Variants in MICU1 observed in about 807,000 individuals in gnomAD.
MICU1 encodes the protein calcium uptake protein 1, mitochondrial.
In MICU1, 45 loss-of-function variants were observed where a neutral mutation model predicts 56.8. That is an observed-to-expected ratio of 0.79 (90% CI 0.62 to 1.02). The LOEUF (loss-of-function observed/expected upper bound fraction) is 1.02. Among genes scored for constraint, MICU1 ranks in the 50% least tolerant of loss-of-function variants. MICU1 has a pLI of 0.00. For synonymous variants in MICU1, 186 were observed against 195.1 expected (o/e 0.95, Z 0.39); for missense variants, 504 against 587.1 (o/e 0.86, Z 1.46).
At chr10:72,517,298 T>C (rs1326227046) in intron 5 of MICU1, among the ~76,000 whole-genome samples, 4 of 152,124 alleles carry the variant, frequency 2.6e-5, no homozygotes, top group Non-Finnish European at 5.9e-5. Flanking sequence ...AAAGGAGTCA[T>C]TATACAAAAA....
rs1457938456 is a variant in MICU1 at position 72,599,744 on chromosome 10, T to C, written c.-2+26266A>G. On this transcript the variant is annotated intron_variant, in intron 1 of 11. Transcript: ENST00000361114. ...CCTTCCTTCCTCTTTCTTACTTACA[T>C]TGGCAACTTCTATTATGTACCACAA... Among the ~76,000 whole-genome samples, 5 of 152,160 alleles carry C rather than the reference T, an allele frequency of 3.3e-5. No individual in the cohort carries two copies. The South Asian group carries it at 1.0e-3, about 32-fold the overall frequency.
Position 72,569,231 on chromosome 10 carries a change from A to ATTTTTTTTTT in MICU1, c.-1-2438_-1-2437insAAAAAAAAAA, listed in dbSNP as rs1156509426. Among the ~76,000 whole-genome samples the ATTTTTTTTTT allele has an allele frequency of 1.3e-3, 53 of 39,520 alleles. 1 individual carries two copies. Among genetic ancestry groups the ATTTTTTTTTT allele is most frequent in the Non-Finnish European group, 2.4e-3 (44 of 17,964 alleles). 25.9% of individuals were successfully genotyped at this position (39,520 alleles called of 152,430 possible). ...CATATATATATATATATATATATAT[A>ATTTTTTTTTT]TATATATTTTTTTTTTTTTTTGAGA... On this transcript the variant is annotated intron_variant, in intron 1 of 11. Coordinates refer to ENST00000361114, the MANE Select transcript of MICU1 (RefSeq NM_001195518.2).
chr10:72,453,476 T>C (rs188536497), intron 8 of MICU1, among the ~76,000 whole-genome samples: 1 of 128,928 alleles, frequency 7.8e-6, no homozygotes, highest in Admixed American at 7.8e-5. Flanking sequence ...AGCAGTACAA[T>C]TTCCACAGCA....
rs552327043 is a variant in MICU1, at chr10:72,458,510, G to T, written c.933+16590C>A. On this transcript the variant is annotated intron_variant, in intron 8 of 11. Transcript: ENST00000361114. ...CGTATACTGGAAATCACTGCTTTGG[G>T]ATTAAAACTCTGATCAACATGATGA... is the stretch of plus-strand genomic sequence containing the variant. Among the ~76,000 whole-genome samples the T allele has an allele frequency of 3.3e-5, 5 of 152,200 alleles. No individual in the cohort carries two copies. In the East Asian group the frequency reaches 7.7e-4, roughly 23 times the overall value.
intron 8 of MICU1, among the ~76,000 whole-genome samples, chr10:72,444,462 T>TG (rs1379977942): frequency 1.8e-4 from 27 of 148,268 alleles, no homozygotes; most frequent in Non-Finnish European, 3.3e-4. Flanking sequence ...TTTTTTTTTT[T>TG]TTTTTGAGAC....
At chr10:72,478,368 G>T (rs184511204) in intron 6 of MICU1, among the ~76,000 whole-genome samples, 3 of 152,122 alleles carry the variant, frequency 2.0e-5, no homozygotes, top group African/African-American at 7.2e-5. Flanking sequence ...CTGTGCATTG[G>T]AATAAAATAT....
intron 11 of MICU1, among the ~76,000 whole-genome samples, chr10:72,370,419 C>T (rs1862295445): frequency 6.6e-6 from 1 of 152,148 alleles, no homozygotes; most frequent in African/African-American, 2.4e-5. Context: ...AAAACCTAAA[C>T]TGGCTCATGT....
chr10:72,448,193 ATT>A (rs71018289), intron 8 of MICU1, among the ~76,000 whole-genome samples: 1,093 of 36,558 alleles, frequency 0.03, 18 homozygotes, highest in African/African-American at 0.11. Context: ...ATATATATAT[ATT>A]TTTTTTTTTT....
intron 9 of MICU1, among the ~76,000 whole-genome samples, chr10:72,421,606 C>T (rs998170444): frequency 5.3e-5 from 8 of 152,238 alleles, no homozygotes; most frequent in African/African-American, 1.4e-4. Flanking sequence ...CCAGGGGCAG[C>T]TGGCGTTGAA....
At chr10:72,432,627 G>C (rs1037522052) in intron 8 of MICU1, among the ~76,000 whole-genome samples, 1 of 152,156 alleles carries the variant, frequency 6.6e-6, no homozygotes, top group Non-Finnish European at 1.5e-5. Flanking sequence ...ATATTACATG[G>C]CAAGAGTAAA....
intron 11 of MICU1, among the ~76,000 whole-genome samples, chr10:72,374,938 G>A (rs1862469187): frequency 6.7e-6 from 1 of 149,112 alleles, no homozygotes; most frequent in Non-Finnish European, 1.5e-5. Context: ...AGCCTCTCGA[G>A]TAGCTGGGAT....
At chr10:72,420,359 C>T (rs1490263510) in intron 9 of MICU1, among the ~76,000 whole-genome samples, 1 of 152,162 alleles carries the variant, frequency 6.6e-6, no homozygotes, top group Non-Finnish European at 1.5e-5. Flanking sequence ...CTGCGCCCAG[C>T]CATAAGACAT....
intron 1 of MICU1, among the ~76,000 whole-genome samples, chr10:72,597,345 A>G (rs1397431623): frequency 1.3e-5 from 2 of 152,132 alleles, no homozygotes; most frequent in East Asian, 1.9e-4. Flanking sequence ...CTACGTAGCT[A>G]TGGTGGAGAG....
At chr10:72,374,523 T>TG (rs1286284997) in intron 11 of MICU1, among the ~76,000 whole-genome samples, 1 of 152,124 alleles carries the variant, frequency 6.6e-6, no homozygotes, top group African/African-American at 2.4e-5. Flanking sequence ...CAAGGTCCTA[T>TG]GGGGGGTAGG....
rs533181597 is a variant in MICU1, at chr10:72,441,619, T to TC, written c.934-18249_934-18248insG. On this transcript the variant is annotated intron_variant, in intron 8 of 11. Transcript: ENST00000361114. ...ATTCACTTATTTTTAATTTTTCTTT[T>TC]TTTTTTTTTTTTTTTGAGGCAGAAC... 3.2e-3 allele frequency among the ~76,000 whole-genome samples: 437 copies of TC among 137,308 alleles called. 1 individual carries two copies. Among genetic ancestry groups the TC allele is most frequent in the African/African-American group, 0.011 (412 of 38,422 alleles). The allele number at this position is 137,308 out of a possible 152,430, so 90.1% of individuals were successfully genotyped here. A position where few individuals can be genotyped will look rare whatever the true frequency, so the allele number is the denominator to read the frequency against.
chr10:72,436,784 G>A (rs1169888766), intron 8 of MICU1, among the ~76,000 whole-genome samples: 1 of 152,082 alleles, frequency 6.6e-6, no homozygotes, highest in Non-Finnish European at 1.5e-5. Flanking sequence ...TTCAGCAGCC[G>A]ATTCGATCAA....
intron 4 of MICU1, among the ~76,000 whole-genome samples, chr10:72,536,684 G>T (rs146767435): frequency 6.6e-6 from 1 of 152,102 alleles, no homozygotes; most frequent in Non-Finnish European, 1.5e-5. Context: ...AGGGCAAAAA[G>T]AAACAAGTGA....
intron 5 of MICU1, among the ~76,000 whole-genome samples, chr10:72,521,534 A>C (rs1364001584): frequency 4.6e-5 from 7 of 152,046 alleles, no homozygotes; most frequent in Admixed American, 3.9e-4. Context: ...TTATATTTGC[A>C]TTATCTCTTT....
At chr10:72,425,536 C>T (rs1209646590) in intron 8 of MICU1, among the ~76,000 whole-genome samples, 3 of 152,130 alleles carry the variant, frequency 2.0e-5, no homozygotes, top group Admixed American at 6.5e-5. Flanking sequence ...TCAGACTTGT[C>T]TTTTGGTAAT....
Sources: gnomAD v4.1 joint callset for allele counts (sites outside exome capture counted in the v4.1 genomes callset) on GRCh38, gnomAD v4.1.1 for gene constraint, MANE v1.5 for transcripts, NCBI Gene and HGNC (gene_info 2026-07-23, HGNC 2026-07-21) for gene names.